The following PITPNM1 variants were observed in gnomAD, a reference collection of about 807,000 sequenced individuals.
PITPNM1 encodes the protein membrane-associated phosphatidylinositol transfer protein 1.
In PITPNM1, 74 loss-of-function variants were observed where a neutral mutation model predicts 133.3. The ratio of observed to expected loss-of-function variants is 0.56; its 90% CI spans 0.46 to 0.67. PITPNM1 has a LOEUF of 0.67. Ranked by LOEUF, PITPNM1 falls within the 30% of genes least tolerant of loss-of-function variation. PITPNM1 has a pLI of 0.00. For missense variants in PITPNM1, 1,398 were observed against 1,739.5 expected (o/e 0.80, Z 3.49); for synonymous variants, 738 against 741.4 (o/e 1.00, Z 0.08).
intron 12 of PITPNM1, 105 bp from the exon 13 acceptor site, chr11:67,497,784 C>G: frequency 6.6e-7 from 1 of 1,521,070 alleles, no homozygotes; most frequent in Non-Finnish European, 9.0e-7. Context: ...GAGCAGAATT[C>G]CAGAGAAGAC....
At chr11:67,495,029 C>G (rs747065954) in intron 17 of PITPNM1, 48 bp downstream of exon 17, 1 of 1,608,130 alleles carries the variant, frequency 6.2e-7, no homozygotes, top group Non-Finnish European at 8.5e-7. Context: ...CCCAAAGCAG[C>G]CCATCCCCGT....
rs763821608 is a variant in PITPNM1 at position 67,499,938 on chromosome 11, C to T, written c.1039G>A (p.Glu347Lys). ...NIARDSENSS[E>K]EEFFDAHEGF... ...CCGTGGGCATCAAAGAACTCTTCCT[C>T]GGAGCTGTTCTCAGAGTCTCGGGCA... The change falls in exon 7 of 24, where the codon GAG becomes AAG. Residue 347 changes from glutamate to lysine, a missense_variant. Coordinates refer to ENST00000356404, the MANE Select transcript of PITPNM1 (RefSeq NM_004910.3). 5.6e-6 allele frequency: 9 copies of T among 1,612,366 alleles called. No individual in the cohort carries two copies. The highest frequency in any genetic ancestry group is 1.7e-5 in the Admixed American group (1 of 60,010).
chr11:67,496,634 C>T (rs185596297), intron 14 of PITPNM1: 120 of 410,438 alleles, frequency 2.9e-4, no homozygotes, highest in African/African-American at 2.4e-3. Context: ...ACCCCGTCTC[C>T]ATTAAAAATA....
At chr11:67,496,033 C>T (rs750370409) in intron 15 of PITPNM1, 145 bp downstream of exon 15, 1 of 830,292 alleles carries the variant, frequency 1.2e-6, no homozygotes. Flanking sequence ...ATCCAGACCC[C>T]CCCAGGGGGA....
intron 14 of PITPNM1, 119 bp from the exon 15 acceptor site, chr11:67,496,467 C>A: frequency 1.2e-6 from 1 of 836,036 alleles, no homozygotes; most frequent in Non-Finnish European, 1.8e-6. Flanking sequence ...CAGCACTTCC[C>A]AAACTGCACT....
chr11:67,496,733 G>A lies in PITPNM1; in HGVS notation c.2147-385C>T, dbSNP rs961052046. The A allele has an allele frequency of 3.2e-5, 7 of 217,690 alleles. No homozygotes were observed. In the East Asian group the frequency reaches 6.8e-4, roughly 21 times the overall value. The allele number at this position is 217,690 out of a possible 1,614,324, so 13.5% of individuals were successfully genotyped here. On this transcript the variant is annotated intron_variant, in intron 14 of 23. Transcript: ENST00000356404. ...GTGGATTACCTGAGGTCAGGAGTTC[G>A]AGACCAGCCTGGCCAACATGGCAAA...
In PITPNM1 at chr11:67,504,139, C is replaced by A; in HGVS notation, c.42G>T (p.Leu14=). ...KEYHILLPMS[L]DEYQVAQLYM... ...AGAGCTGGGCCACCTGGTACTCGTC[C>A]AGGCTCATGGGCAGCAGAATGTGGT... The change falls in exon 2 of 24, where the codon CTG becomes CTT. Residue 14 remains leucine, a synonymous_variant. Coordinates refer to ENST00000356404, the MANE Select transcript of PITPNM1 (RefSeq NM_004910.3). The surrounding 1 kb of genome is among the most constrained non-coding windows in gnomAD (Gnocchi z 5.4). The A allele has an allele frequency of 1.2e-6, 2 of 1,609,894 alleles. No homozygotes were observed. Among genetic ancestry groups the A allele is most frequent in the South Asian group, 1.1e-5 (1 of 90,222 alleles).
Position 67,498,537 on chromosome 11 carries a change from C to G in PITPNM1, c.1484+59G>C. On this transcript the variant is annotated intron_variant, in intron 10 of 23. Transcript: ENST00000356404. The surrounding 1 kb of genome is among the most constrained non-coding windows in gnomAD (Gnocchi z 5.7). ...GGCTTCCTGACCCCTTCCCCGCTCC[C>G]TGCCCCGCTCCCTGGCCTGATCCTA... 2 of 1,565,868 alleles carry G rather than the reference C, an allele frequency of 1.3e-6. No individual in the cohort carries two copies. The highest frequency in any genetic ancestry group is 1.7e-6 in the Non-Finnish European group (2 of 1,160,316).
rs1216155414 is a variant in PITPNM1, at chr11:67,500,266, A to T, written c.796T>A (p.Ser266Thr). The T allele has an allele frequency of 6.2e-7, 1 of 1,608,286 alleles. No homozygotes were observed. The highest frequency in any genetic ancestry group is 1.7e-5 in the Admixed American group (1 of 60,008). Residue 266 changes from serine (S) to threonine (T), a missense_variant, in exon 6 of 24, where the codon TCC becomes ACC. This residue lies in a region of PITPNM1 where 195 missense variants were observed against 178.8 expected (regional missense o/e 1.09). Transcript: ENST00000356404. ...MAKCNTGSEG[S>T]EAQPPGKPST... ...GGTTTCCCGGGGGGCTGGGCCTCGG[A>T]CCCCTCACTGCCTGTGTTGCACTTG...
intron 5 of PITPNM1, among the ~76,000 whole-genome samples, chr11:67,500,722 T>A (rs1388091451): frequency 2.0e-5 from 3 of 152,252 alleles, no homozygotes; most frequent in Admixed American, 6.5e-5. Context: ...TTTGGCTGGC[T>A]TCCTGCTGAC....
chr11:67,492,099 T>A lies in PITPNM1; in HGVS notation c.3669A>T (p.Thr1223=). ...PSQAEREGPG[T]PPTTLARGKA... ...TGCCCCGTGCCAGGGTGGTGGGTGG[T>A]GTTCCCGGGCCCTCACGCTCCGCCT... Residue 1223 remains threonine, a synonymous_variant, in exon 24 of 24, where the codon ACA becomes ACT. Transcript: ENST00000356404. 1 of 1,612,418 alleles carries A rather than the reference T, an allele frequency of 6.2e-7. No individual in the cohort carries two copies.
chr11:67,501,171 G>A (rs1001797142), intron 5 of PITPNM1, among the ~76,000 whole-genome samples: 3 of 152,228 alleles, frequency 2.0e-5, no homozygotes, highest in Non-Finnish European at 2.9e-5. Flanking sequence ...TCTGTGTGTC[G>A]CAATCACTGT....
intron 8 of PITPNM1, 135 bp from the exon 9 acceptor site, chr11:67,499,136 C>T: frequency 1.2e-6 from 1 of 802,944 alleles, no homozygotes; most frequent in Non-Finnish European, 1.9e-6. Context: ...CTCCTCCCAC[C>T]AACTCTCCCA....
At chr11:67,495,709 G>A (rs1866097645) in intron 15 of PITPNM1, 107 bp from the exon 16 acceptor site, 2 of 1,129,074 alleles carry the variant, frequency 1.8e-6, no homozygotes, top group Non-Finnish European at 1.2e-6. Flanking sequence ...CCTCTGGTCA[G>A]GTCCTGGCTG....
In PITPNM1 at chr11:67,498,543, CGCTCCCTGGCCT is replaced by C. The variant is rs1318682329; in HGVS notation, c.1484+41_1484+52del. 1.9e-6 allele frequency: 3 copies of C among 1,571,030 alleles called. No individual in the cohort carries two copies. The African/African-American group carries it at 4.0e-5, about 21-fold the overall frequency. ...CTGACCCCTTCCCCGCTCCCTGCCC[CGCTCCCTGGCCT>C]GATCCTACGAGTTCCCTGCCCTTCC... On this transcript the variant is annotated intron_variant, in intron 10 of 23. Transcript: ENST00000356404. This position sits in a 1 kb window ranked among gnomAD's most constrained non-coding sequence, Gnocchi z 5.7.
At chr11:67,496,586 G>A (rs1866129276) in intron 14 of PITPNM1, 1 of 502,058 alleles carries the variant, frequency 2.0e-6, no homozygotes, top group Non-Finnish European at 3.5e-6. Flanking sequence ...GATCACTTGA[G>A]GTCAGGAGTT....
At chr11:67,497,151 ATGAG>A in intron 14 of PITPNM1, 76 bp downstream of exon 14, 1 of 1,211,320 alleles carries the variant, frequency 8.3e-7, no homozygotes, top group Non-Finnish European at 1.1e-6. Context: ...CATGCCTCGG[ATGAG>A]AGGGAAGGCC....
At chr11:67,492,369 G>A (rs1408708072) in intron 23 of PITPNM1, 73 bp from the exon 24 acceptor site, 1 of 1,402,684 alleles carries the variant, frequency 7.1e-7, no homozygotes, top group East Asian at 2.5e-5. Flanking sequence ...CGGTCCTCCA[G>A]AGGCACCTGA....
chr11:67,497,483 C>T, intron 13 of PITPNM1, 39 bp downstream of exon 13: 1 of 1,596,582 alleles, frequency 6.3e-7, no homozygotes. Flanking sequence ...TGTAGTCCAT[C>T]ATGTGCCCAG....
Sources: gnomAD v4.1 joint callset for allele counts (sites outside exome capture counted in the v4.1 genomes callset) on GRCh38, gnomAD v4.1.1 for gene constraint, gnomAD v4.1.1 regional missense constraint, Gnocchi (gnomAD v3.1) non-coding constraint, MANE v1.5 for transcripts, NCBI Gene and HGNC (gene_info 2026-07-23, HGNC 2026-07-21) for gene names.